CERS6: variants seen among roughly 807,000 people sequenced by gnomAD.
The protein encoded by CERS6 is LAG1 homolog, ceramide synthase 6.
In CERS6, 26 loss-of-function variants were observed where a neutral mutation model predicts 56.8. The observed-to-expected ratio is 0.46, with a 90% CI of 0.34 to 0.63. The LOEUF (loss-of-function observed/expected upper bound fraction) is 0.63. Among genes scored for constraint, CERS6 ranks in the 30% least tolerant of loss-of-function variants. CERS6 has a pLI of 0.01. For synonymous variants in CERS6, 164 were observed against 173.3 expected, an observed-to-expected ratio of 0.95 and a Z score of 0.42; for missense variants, 415 against 467.5, an observed-to-expected ratio of 0.89 and a Z score of 1.04.
chr2:168,508,715 G>T (rs1047291835), intron 1 of CERS6, among the ~76,000 whole-genome samples: 2 of 151,846 alleles, frequency 1.3e-5, no homozygotes, highest in Non-Finnish European at 2.9e-5. Flanking sequence ...CTGTCGGGGG[G>T]TGGGGGGTAG....
intron 4 of CERS6, among the ~76,000 whole-genome samples, chr2:168,657,475 G>A (rs976153521): frequency 1.3e-4 from 20 of 152,338 alleles, no homozygotes; most frequent in East Asian, 5.8e-4. Context: ...GGGACTGGGC[G>A]CCGTGGAGCA....
chr2:168,492,138 A>G (rs1267207761), intron 1 of CERS6, among the ~76,000 whole-genome samples: 2 of 152,178 alleles, frequency 1.3e-5, no homozygotes, highest in African/African-American at 2.4e-5. Context: ...TATACCCAGT[A>G]ATGGGATTGC....
intron 1 of CERS6, among the ~76,000 whole-genome samples, chr2:168,513,259 A>G (rs2084847): frequency 0.98 from 148,566 of 152,322 alleles, 72,562 homozygotes; most frequent in East Asian, 1. Flanking sequence ...TCTTACATTA[A>G]TGTAGCCCAT....
intron 1 of CERS6, among the ~76,000 whole-genome samples, chr2:168,474,377 G>A (rs1057202054): frequency 2.0e-5 from 3 of 152,148 alleles, no homozygotes; most frequent in South Asian, 4.1e-4. Context: ...CTGGATCAGA[G>A]AATGTGCAGA....
chr2:168,732,555 TCTC>T (rs1198298690), intron 8 of CERS6, among the ~76,000 whole-genome samples: 1 of 152,208 alleles, frequency 6.6e-6, no homozygotes, highest in East Asian at 1.9e-4. Flanking sequence ...ACTTCTCTCT[TCTC>T]CTGAGCACAC....
chr2:168,498,753 G>T (rs1310462129), intron 1 of CERS6, among the ~76,000 whole-genome samples: 2 of 152,230 alleles, frequency 1.3e-5, no homozygotes, highest in Non-Finnish European at 2.9e-5. Context: ...GTGCTGGTCA[G>T]TCCTTGCGCT....
At chr2:168,727,513 C>T (rs1683385019) in intron 8 of CERS6, among the ~76,000 whole-genome samples, 2 of 149,940 alleles carry the variant, frequency 1.3e-5, no homozygotes, top group Non-Finnish European at 3.0e-5. Flanking sequence ...CGCGCCACTG[C>T]ACTCCTGCCT....
In CERS6 at chr2:168,561,241, A is replaced by G; in HGVS notation, c.326A>G (p.Asp109Gly). The G allele has an allele frequency of 3.1e-6, 5 of 1,614,140 alleles. No individual in the cohort carries two copies. The highest frequency in any genetic ancestry group is 4.2e-6 in the Non-Finnish European group (5 of 1,179,966). The change falls in exon 3 of 10, where the codon GAT (aspartate) becomes GGT (glycine). Residue 109 changes from aspartate (D) to glycine (G), a missense_variant. Asp to Gly is a moderately conservative substitution (Grantham distance 94). Coordinates refer to ENST00000305747, the MANE Select transcript of CERS6 (RefSeq NM_203463.3). The stretch of plus-strand genomic sequence containing the variant: ...GGCCTCTCCAAGCAACTGGACTGGG[A>G]TGTTCGAAGCATTCAGCGCTGGTTT... ...LEGLSKQLDW[D>G]VRSIQRWFRQ...
At chr2:168,759,077 G>A (rs924561477) in intron 8 of CERS6, among the ~76,000 whole-genome samples, 1 of 152,128 alleles carries the variant, frequency 6.6e-6, no homozygotes, top group African/African-American at 2.4e-5. Flanking sequence ...AGTAACTACA[G>A]GGCATGGCCA....
intron 2 of CERS6, among the ~76,000 whole-genome samples, chr2:168,548,111 A>G (rs1695500293): frequency 6.6e-6 from 1 of 152,230 alleles, no homozygotes; most frequent in African/African-American, 2.4e-5. Flanking sequence ...CATTGTCCAT[A>G]GATTCTAGGA....
intron 3 of CERS6, among the ~76,000 whole-genome samples, chr2:168,619,493 TCAAA>T (rs1200309778): frequency 6.6e-6 from 1 of 150,620 alleles, no homozygotes; most frequent in Admixed American, 6.6e-5. Context: ...TAAAAAGAAC[TCAAA>T]CAAATCAGCA....
intron 1 of CERS6, among the ~76,000 whole-genome samples, chr2:168,487,229 A>G (rs904417982): frequency 6.6e-6 from 1 of 152,022 alleles, no homozygotes; most frequent in Admixed American, 6.6e-5. Flanking sequence ...CTTTCTCCTT[A>G]TTTATCTATT....
intron 6 of CERS6, among the ~76,000 whole-genome samples, chr2:168,709,027 G>C (rs192637127): frequency 5.3e-5 from 8 of 152,214 alleles, no homozygotes; most frequent in Middle Eastern, 6.8e-3. Flanking sequence ...ATTCTCTACA[G>C]CTTGATCATT....
At chr2:168,457,317 C>A (rs1693689711) in intron 1 of CERS6, among the ~76,000 whole-genome samples, 1 of 152,196 alleles carries the variant, frequency 6.6e-6, no homozygotes, top group Non-Finnish European at 1.5e-5. Context: ...ACTGATAACC[C>A]TGTCCTGTGA....
At chr2:168,463,501 C>T (rs1440379389) in intron 1 of CERS6, among the ~76,000 whole-genome samples, 1 of 152,082 alleles carries the variant, frequency 6.6e-6, no homozygotes, top group Admixed American at 6.6e-5. Flanking sequence ...CATTTCTGAG[C>T]CCAAAAGGAT....
chr2:168,746,810 TATATATATATAA>T lies in CERS6; in HGVS notation c.846-18780_846-18769del, dbSNP rs1380302542. 1.6e-3 allele frequency among the ~76,000 whole-genome samples: 179 copies of T among 112,846 alleles called. 2 individuals are homozygous for T. Among genetic ancestry groups the T allele is most frequent in the African/African-American group, 2.5e-3 (68 of 26,888 alleles). 74.0% of individuals were successfully genotyped at this position (112,846 alleles called of 152,430 possible). ...ATATATATATATATATATATATATATATATATATATAAAATCATCTTTGAAAAAATGATTATA... is the reference window on the plus strand; with the variant it reads ...ATATATATATATATATATATATATATAATCATCTTTGAAAAAATGATTATA... On this transcript the variant is annotated intron_variant, in intron 8 of 9. Transcript: ENST00000305747.
chr2:168,678,657 G>A (rs1267469534), intron 4 of CERS6, among the ~76,000 whole-genome samples: 1 of 152,126 alleles, frequency 6.6e-6, no homozygotes, highest in Non-Finnish European at 1.5e-5. Context: ...TGAGGAGGTG[G>A]CGTGGCTCCA....
At chr2:168,593,971 CA>C (rs1424449019) in intron 3 of CERS6, among the ~76,000 whole-genome samples, 2 of 152,166 alleles carry the variant, frequency 1.3e-5, no homozygotes, top group Non-Finnish European at 2.9e-5. Context: ...GGTATTGCTA[CA>C]TTGGTTTTGG....
At chr2:168,672,805 G>A (rs1297200499) in intron 4 of CERS6, among the ~76,000 whole-genome samples, 1 of 152,080 alleles carries the variant, frequency 6.6e-6, no homozygotes, top group Non-Finnish European at 1.5e-5. Flanking sequence ...CTTGTATCTT[G>A]CAGCTCCTCC....
Sources: gnomAD v4.1 joint callset for allele counts (sites outside exome capture counted in the v4.1 genomes callset) on GRCh38, gnomAD v4.1.1 for gene constraint, MANE v1.5 for transcripts, NCBI Gene and HGNC (gene_info 2026-07-23, HGNC 2026-07-21) for gene names.